Variants in RP1 observed in about 807,000 individuals in gnomAD.
The protein encoded by RP1 is RP1 axonemal microtubule associated, also known as oxygen-regulated protein 1.
RP1 carries 16 observed loss-of-function variants against 14.8 expected under a neutral mutation model. That is an observed-to-expected ratio of 1.08 (90% CI 0.73 to 1.65). The LOEUF (loss-of-function observed/expected upper bound fraction) is 1.65. Ranked by LOEUF, RP1 falls within the 40% of genes most tolerant of loss-of-function variation. RP1 has a pLI of 0.00. For synonymous variants in RP1, 876 were observed against 883.6 expected (o/e 0.99, Z 0.15); for missense variants, 2,631 against 2,535.0 (o/e 1.04, Z -0.81).
chr8:54,825,285 G>A (rs73604920), intron 24 of RP1, among the ~76,000 whole-genome samples: 47,898 of 151,962 alleles, frequency 0.32, 7,711 homozygotes, highest in South Asian at 0.37. Flanking sequence ...ATGGCAAAAA[G>A]CTGAATGCTT....
Position 54,616,211 on chromosome 8 carries a change from A to C in RP1, c.-13+9A>C, listed in dbSNP as rs987793119. On this transcript the variant is annotated intron_variant, in intron 1 of 3. Coordinates refer to ENST00000220676, the MANE Select transcript of RP1 (RefSeq NM_006269.2). ...GGACGTTTCAAGTTGTGGTAAGTAC[A>C]AAACTATTTGAAATCTTTCTTTGGA... 3.9e-5 allele frequency: 6 copies of C among 152,252 alleles called. No homozygotes were observed. The highest frequency in any genetic ancestry group is 1.4e-4 in the African/African-American group (6 of 41,472). The allele number at this position is 152,252 out of a possible 1,614,324, so 9.4% of individuals were successfully genotyped here. A position where few individuals can be genotyped will look rare whatever the true frequency, so the allele number is the denominator to read the frequency against.
Position 54,628,798 on chromosome 8 carries a change from C to T in RP1, c.4916C>T (p.Ala1639Val). The T allele has an allele frequency of 6.2e-7, 1 of 1,614,094 alleles. No homozygotes were observed. The highest frequency in any genetic ancestry group is 8.5e-7 in the Non-Finnish European group (1 of 1,179,984). ...KRAIEKLYGKADIIKPSFFPG... is the reference protein window; with the variant it reads ...KRAIEKLYGKVDIIKPSFFPG... ...GCAATAGAAAAACTGTACGGTAAAG[C>T]AGATATTATCAAACCATCTTTTTTT... is the stretch of plus-strand genomic sequence containing the variant. The change falls in exon 4 of 4, where the codon GCA becomes GTA. Residue 1639 changes from alanine (A) to valine (V), a missense_variant. Transcript: ENST00000220676.
intron 16 of RP1, among the ~76,000 whole-genome samples, chr8:54,723,304 A>G (rs1472040740): frequency 6.6e-6 from 1 of 152,154 alleles, no homozygotes. Flanking sequence ...TTTTTTTATC[A>G]CTTAAATAGA....
At chr8:54,806,097 C>A (rs183608353) in intron 24 of RP1, among the ~76,000 whole-genome samples, 5 of 152,166 alleles carry the variant, frequency 3.3e-5, no homozygotes, top group African/African-American at 1.2e-4. Flanking sequence ...CGGCTCACTG[C>A]AACCTTCGCC....
chr8:54,621,110 CG>C lies in RP1; in HGVS notation c.146del (p.Gly49AlafsTer32), dbSNP rs757399387. 1 of 1,614,160 alleles carries C rather than the reference CG, an allele frequency of 6.2e-7. No individual in the cohort carries two copies. The highest frequency in any genetic ancestry group is 1.1e-5 in the South Asian group (1 of 91,080). ...TCTACAAGAGCGGAGACCCCCAATT[CG>C]GCGGGGTCAGGGTGGTGGTCAACCC... ...SFYKSGDPQF[G>X]GVRVVVNPRS... On this transcript the variant is annotated frameshift_variant, in exon 2 of 4. Coordinates refer to ENST00000220676, the MANE Select transcript of RP1 (RefSeq NM_006269.2). LOFTEE classifies it high-confidence loss of function.
intron 24 of RP1, among the ~76,000 whole-genome samples, chr8:54,826,321 G>GC (rs923085344): frequency 2.6e-5 from 4 of 152,110 alleles, no homozygotes; most frequent in African/African-American, 9.7e-5. Context: ...AGATGGCTGT[G>GC]CCCCCCACAT....
chr8:54,581,473 C>T (rs1166528361), intron 1 of RP1, among the ~76,000 whole-genome samples: 2 of 152,172 alleles, frequency 1.3e-5, no homozygotes, highest in Non-Finnish European at 2.9e-5. Context: ...CATACGTGTG[C>T]ATGTGTCTTT....
chr8:54,785,150 C>T (rs1810288586), intron 24 of RP1, among the ~76,000 whole-genome samples: 1 of 151,958 alleles, frequency 6.6e-6, no homozygotes, highest in African/African-American at 2.4e-5. Flanking sequence ...AGGCCAGTAC[C>T]CATTAGAAGA....
At chr8:54,632,163 A>C (rs1294548423), downstream of RP1, among the ~76,000 whole-genome samples, 1 of 152,132 alleles carries the variant, frequency 6.6e-6, no homozygotes, top group Non-Finnish European at 1.5e-5. Context: ...ATTTAAAAAA[A>C]AATTACCACT....
In RP1 at chr8:54,629,350, A is replaced by G. The variant is rs1477893507; in HGVS notation, c.5468A>G (p.His1823Arg). 4 of 1,614,024 alleles carry G rather than the reference A, an allele frequency of 2.5e-6. No homozygotes were observed. The highest frequency in any genetic ancestry group is 3.4e-6 in the Non-Finnish European group (4 of 1,179,986). ...AAATGCAATTACTTTAACATGCCTC[A>G]TGGTAGTGACTCAGAACCTTTTCAT... The part of the protein sequence containing the change: ...ELKCNYFNMP[H>R]GSDSEPFHED... Residue 1823 changes from histidine (H) to arginine (R), a missense_variant, in exon 4 of 4, where the codon CAT (histidine) becomes CGT (arginine). Physicochemically the swap from His to Arg is conservative, Grantham distance 29. Transcript: ENST00000220676.
intron 24 of RP1, among the ~76,000 whole-genome samples, chr8:54,812,790 T>TATCTATC (rs1334432037): frequency 1.0e-4 from 15 of 150,590 alleles, no homozygotes; most frequent in Non-Finnish European, 1.9e-4. Flanking sequence ...TCTATCTATC[T>TATCTATC]ATCTATCTAT....
intron 1 of RP1, among the ~76,000 whole-genome samples, chr8:54,586,730 A>T (rs1386154941): frequency 2.6e-5 from 4 of 152,076 alleles, no homozygotes; most frequent in African/African-American, 4.8e-5. Context: ...GCCACCTTGC[A>T]GTTTGATCTC....
At chr8:54,578,055 A>G (rs4739005) in intron 1 of RP1, among the ~76,000 whole-genome samples, 87,719 of 151,640 alleles carry the variant, frequency 0.58, 26,124 homozygotes, top group Non-Finnish European at 0.66. Context: ...CCATTAACTC[A>G]TCATTTAGCA....
exon 6 of RP1, chr8:54,656,104 T>C (rs1228962655): frequency 2.0e-6 from 3 of 1,532,416 alleles, no homozygotes; most frequent in Non-Finnish European, 8.7e-7. Context: ...TAATATGAAT[T>C]CTGGAAAACA....
chr8:54,560,602 GGGAGGC>G (rs1804264563), intron 1 of RP1: 1 of 151,998 alleles, frequency 6.6e-6, no homozygotes, highest in Admixed American at 6.6e-5. Context: ...GTTTCTGCGA[GGGAGGC>G]AAGCGTTGCG....
chr8:54,802,277 A>G (rs779661086), intron 24 of RP1, among the ~76,000 whole-genome samples: 3 of 152,234 alleles, frequency 2.0e-5, no homozygotes, highest in Non-Finnish European at 2.9e-5. Context: ...TTCTTTTCCT[A>G]TGACAATATT....
exon 4 of RP1, chr8:54,649,050 T>C: frequency 6.5e-7 from 1 of 1,531,870 alleles, no homozygotes; most frequent in South Asian, 1.2e-5. Context: ...CTCACAGATT[T>C]ATATTATTCT....
intron 24 of RP1, among the ~76,000 whole-genome samples, chr8:54,821,784 T>C (rs973657211): frequency 1.3e-5 from 2 of 152,214 alleles, no homozygotes; most frequent in African/African-American, 4.8e-5. Context: ...CTCTCCTGCG[T>C]CCTGTACTGC....
chr8:54,639,586 AC>A (rs1306915577), intron 3 of RP1, among the ~76,000 whole-genome samples: 1 of 152,128 alleles, frequency 6.6e-6, no homozygotes, highest in African/African-American at 2.4e-5. Flanking sequence ...CTATTATTAG[AC>A]TTAAATTTTA....
Sources: gnomAD v4.1 joint callset for allele counts (sites outside exome capture counted in the v4.1 genomes callset) on GRCh38, gnomAD v4.1.1 for gene constraint, MANE v1.5 for transcripts, NCBI Gene and HGNC (gene_info 2026-07-23, HGNC 2026-07-21) for gene names.